PRKN: variants seen among roughly 807,000 people sequenced by gnomAD.
PRKN encodes parkin RBR E3 ubiquitin protein ligase, also known as E3 ubiquitin-protein ligase parkin.
PRKN carries 56 observed loss-of-function variants against 59.5 expected under a neutral mutation model. The ratio of observed to expected loss-of-function variants is 0.94; its 90% CI spans 0.76 to 1.18. The LOEUF (loss-of-function observed/expected upper bound fraction) is 1.18, where lower values mean the gene tolerates loss of function less well. PRKN is among the 50% of genes most tolerant of loss of function. The probability of loss-of-function intolerance (pLI) is 0.00; values close to 1 mark genes in which losing one functional copy is unlikely to be tolerated. For missense variants in PRKN, 657 were observed against 596.4 expected, an observed-to-expected ratio of 1.10 and a Z score of -1.06; for synonymous variants, 250 against 222.1, an observed-to-expected ratio of 1.13 and a Z score of -1.12.
intron 2 of PRKN, among the ~76,000 whole-genome samples, chr6:162,292,323 A>T (rs1446082231): frequency 2.0e-5 from 3 of 152,078 alleles, no homozygotes; most frequent in Non-Finnish European, 4.4e-5. Flanking sequence ...TCAATTAATC[A>T]CCAGAGATGC....
chr6:162,426,486 T>C (rs1418912839), intron 2 of PRKN, among the ~76,000 whole-genome samples: 2 of 152,260 alleles, frequency 1.3e-5, no homozygotes, highest in Non-Finnish European at 2.9e-5. Flanking sequence ...GGTCTGGCTC[T>C]GTCACCCACG....
intron 1 of PRKN, among the ~76,000 whole-genome samples, chr6:162,703,161 C>T (rs1018511942): frequency 2.0e-5 from 3 of 152,080 alleles, no homozygotes; most frequent in Admixed American, 6.5e-5. Context: ...TTGGACTCCA[C>T]ACTACATAAA....
intron 2 of PRKN, among the ~76,000 whole-genome samples, chr6:162,419,048 G>A (rs1788814559): frequency 6.6e-6 from 1 of 151,934 alleles, no homozygotes; most frequent in African/African-American, 2.4e-5. Context: ...TTAGGCTCCA[G>A]GAAAAGCAGG....
intron 4 of PRKN, among the ~76,000 whole-genome samples, chr6:162,121,782 C>T (rs1780925868): frequency 2.0e-5 from 3 of 152,100 alleles, no homozygotes; most frequent in Non-Finnish European, 4.4e-5. Flanking sequence ...TCAGCTCATA[C>T]CTGTGGACTC....
intron 1 of PRKN, among the ~76,000 whole-genome samples, chr6:162,687,286 C>T (rs1230205560): frequency 6.6e-6 from 1 of 150,718 alleles, no homozygotes; most frequent in African/African-American, 2.4e-5. Context: ...CCTGGGTTCA[C>T]GCCATTCTCC....
chr6:161,437,124 C>T (rs112088651), intron 9 of PRKN, among the ~76,000 whole-genome samples: 1 of 152,100 alleles, frequency 6.6e-6, no homozygotes, highest in South Asian at 2.1e-4. Context: ...ATAAATTAAG[C>T]AAAGTAAGAC....
At chr6:161,479,619 A>G (rs1204269536) in intron 9 of PRKN, among the ~76,000 whole-genome samples, 1 of 152,170 alleles carries the variant, frequency 6.6e-6, no homozygotes, top group Non-Finnish European at 1.5e-5. Context: ...GTCCCCGGGG[A>G]AGACGACAGT....
rs1291410370 is a variant in PRKN at position 161,463,643 on chromosome 6, A to G, written c.1084-76766T>C. Among the ~76,000 whole-genome samples, 1 of 152,212 alleles carries G rather than the reference A, an allele frequency of 6.6e-6. No homozygotes were observed. The highest frequency in any genetic ancestry group is 2.4e-5 in the African/African-American group (1 of 41,460). On this transcript the variant is annotated intron_variant, in intron 9 of 11. Transcript: ENST00000366898. The surrounding 1 kb of genome is among the most constrained non-coding windows in gnomAD (Gnocchi z 4.8). Reference sequence around the variant, plus strand: ...CTGAAACTTTACAGGTAAAGGCCAAAGTTTTGATTCAGCATGAATGAGAAA... The same window carrying G: ...CTGAAACTTTACAGGTAAAGGCCAAGGTTTTGATTCAGCATGAATGAGAAA...
Position 162,174,334 on chromosome 6 carries a change from C to T in PRKN, c.534+26797G>A, listed in dbSNP as rs561802185. Among the ~76,000 whole-genome samples the T allele has an allele frequency of 4.6e-5, 7 of 152,122 alleles. No homozygotes were observed. The South Asian group carries it at 1.0e-3, about 23-fold the overall frequency. ...ACGCAGGAAATAAATAAAATTTGCCCACACGCTAAATAAAAGTCAGCTGAA... is the reference window on the plus strand; with the variant it reads ...ACGCAGGAAATAAATAAAATTTGCCTACACGCTAAATAAAAGTCAGCTGAA... On this transcript the variant is annotated intron_variant, in intron 4 of 11. Coordinates refer to ENST00000366898, the MANE Select transcript of PRKN (RefSeq NM_004562.3).
chr6:161,401,198 G>C lies in PRKN; in HGVS notation c.1084-14321C>G, dbSNP rs1287479809. 6.6e-6 allele frequency among the ~76,000 whole-genome samples: 1 copy of C among 152,096 alleles called. No individual in the cohort carries two copies. The highest frequency in any genetic ancestry group is 1.5e-5 in the Non-Finnish European group (1 of 68,022). ...AGTATCAGGCTGGAAGGCTTGGTCGGGCATGGTTTTAGCAACAGGACTTTC... is the reference window on the plus strand; with the variant it reads ...AGTATCAGGCTGGAAGGCTTGGTCGCGCATGGTTTTAGCAACAGGACTTTC... On this transcript the variant is annotated intron_variant, in intron 9 of 11. Transcript: ENST00000366898. This position sits in a 1 kb window ranked among gnomAD's most constrained non-coding sequence, Gnocchi z 4.4.
rs1464783841 is a variant in PRKN, at chr6:161,396,501, C to T, written c.1084-9624G>A. Among the ~76,000 whole-genome samples the T allele has an allele frequency of 6.6e-6, 1 of 152,188 alleles. No individual in the cohort carries two copies. The highest frequency in any genetic ancestry group is 1.9e-4 in the East Asian group (1 of 5,202). The stretch of plus-strand genomic sequence containing the variant: ...TATCAAATTCAATGCCACTTTCAAA[C>T]ATCGCCATTCATTAGTGGGCCCATT... On this transcript the variant is annotated intron_variant, in intron 9 of 11. Transcript: ENST00000366898. This position sits in a 1 kb window ranked among gnomAD's most constrained non-coding sequence, Gnocchi z 5.4.
intron 7 of PRKN, among the ~76,000 whole-genome samples, chr6:161,639,587 C>G (rs1783662717): frequency 6.6e-6 from 1 of 152,204 alleles, no homozygotes; most frequent in Non-Finnish European, 1.5e-5. Flanking sequence ...GCTGCCTGGA[C>G]TGCACCTCCG....
chr6:162,237,353 G>GCAC (rs1778781922), intron 3 of PRKN, among the ~76,000 whole-genome samples: 2 of 152,100 alleles, frequency 1.3e-5, no homozygotes, highest in Admixed American at 6.5e-5. Context: ...CAACAAAACA[G>GCAC]CACCACCACC....
At chr6:162,189,484 C>T (rs977516172) in intron 4 of PRKN, among the ~76,000 whole-genome samples, 2 of 150,044 alleles carry the variant, frequency 1.3e-5, no homozygotes, top group Non-Finnish European at 3.0e-5. Flanking sequence ...CATTGTATAC[C>T]TTGGCCTACC....
chr6:162,075,296 T>A (rs1778773323), intron 4 of PRKN, among the ~76,000 whole-genome samples: 1 of 152,066 alleles, frequency 6.6e-6, no homozygotes, highest in Non-Finnish European at 1.5e-5. Flanking sequence ...TCAACTATGC[T>A]TATTAAATAA....
chr6:161,682,070 A>G (rs929258385), intron 7 of PRKN, among the ~76,000 whole-genome samples: 1 of 152,212 alleles, frequency 6.6e-6, no homozygotes, highest in Non-Finnish European at 1.5e-5. Flanking sequence ...AGATACCAAA[A>G]GAGGAAGAAA....
intron 6 of PRKN, among the ~76,000 whole-genome samples, chr6:161,931,388 A>G (rs1583362858): frequency 6.6e-6 from 1 of 152,298 alleles, no homozygotes. Flanking sequence ...CAGTGAGCAG[A>G]GATCACACCA....
rs1017596165 is a variant in PRKN at position 161,369,747 on chromosome 6, A to C, written c.1168-9542T>G. ...CATGGCTGAAAATAGCGATTTCATA[A>C]ATATATATATGAAACATCTATAATA... On this transcript the variant is annotated intron_variant, in intron 10 of 11. Coordinates refer to ENST00000366898, the MANE Select transcript of PRKN (RefSeq NM_004562.3). The surrounding 1 kb of genome is among the most constrained non-coding windows in gnomAD (Gnocchi z 5.8). Among the ~76,000 whole-genome samples the C allele has an allele frequency of 4.0e-5, 6 of 151,514 alleles. No homozygotes were observed. The highest frequency in any genetic ancestry group is 1.5e-4 in the African/African-American group (6 of 41,226).
intron 9 of PRKN, among the ~76,000 whole-genome samples, chr6:161,519,788 C>A (rs1289980989): frequency 6.6e-6 from 1 of 152,118 alleles, no homozygotes; most frequent in Non-Finnish European, 1.5e-5. Flanking sequence ...TCTTAGAGTA[C>A]CTTAGAGAAT....
Sources: allele counts gnomAD v4.1 joint callset (sites outside exome capture counted in the v4.1 genomes callset), GRCh38; gene constraint gnomAD v4.1.1; non-coding constraint Gnocchi (gnomAD v3.1); transcripts MANE v1.5; gene names NCBI Gene and HGNC (gene_info 2026-07-23, HGNC 2026-07-21).